TMLHE: variants seen among roughly 807,000 people sequenced by gnomAD.
TMLHE encodes the protein trimethyllysine dioxygenase, mitochondrial.
Under a neutral mutation model 25.7 loss-of-function variants are expected in TMLHE, and 18 were observed. That is an observed-to-expected ratio of 0.70 (90% CI 0.48 to 1.04). TMLHE has a LOEUF of 1.04. Ranked by LOEUF, TMLHE falls within the 50% of genes least tolerant of loss-of-function variation. The pLI is 0.00. For missense variants in TMLHE, 236 were observed against 259.0 expected (o/e 0.91, Z 0.61); for synonymous variants, 105 against 97.0 (o/e 1.08, Z -0.49).
chrX:155,591,883 A>G (rs973746996), intron 1 of TMLHE, among the ~76,000 whole-genome samples: 1 of 112,136 alleles, frequency 8.9e-6, no homozygotes, highest in Non-Finnish European at 1.9e-5. Flanking sequence ...TGTTGAAGAG[A>G]CATCTGCACC....
At chrX:155,525,418 G>C (rs1417853506) in intron 2 of TMLHE, among the ~76,000 whole-genome samples, 1 of 112,251 alleles carries the variant, frequency 8.9e-6, no homozygotes, top group Non-Finnish European at 1.9e-5. Flanking sequence ...AGAACTGTGA[G>C]TCAATTAAAC....
chrX:155,552,932 C>CA (rs1378481028), intron 1 of TMLHE, among the ~76,000 whole-genome samples: 2 of 110,413 alleles, frequency 1.8e-5, no homozygotes, highest in African/African-American at 6.6e-5. Flanking sequence ...TCAGTCAGCT[C>CA]AAAATATTTT....
chrX:155,523,196 G>T (rs976809022), intron 3 of TMLHE, among the ~76,000 whole-genome samples: 17 of 111,786 alleles, frequency 1.5e-4, no homozygotes, highest in African/African-American at 5.5e-4. Flanking sequence ...TTTTTAAATT[G>T]TATTGCTTGT....
intron 1 of TMLHE, among the ~76,000 whole-genome samples, chrX:155,560,232 G>A (rs189257977): frequency 9.0e-6 from 1 of 110,681 alleles, no homozygotes; most frequent in Non-Finnish European, 1.9e-5. Flanking sequence ...CTTCCTGCTC[G>A]TTCCTTAGGT....
chrX:155,525,229 C>T (rs2067212392), intron 2 of TMLHE, among the ~76,000 whole-genome samples: 1 of 110,995 alleles, frequency 9.0e-6, no homozygotes, highest in African/African-American at 3.3e-5. Context: ...CAAATTTCCC[C>T]CTTGCTGTTC....
intron 1 of TMLHE, among the ~76,000 whole-genome samples, chrX:155,549,374 A>C (rs1046739899): frequency 8.2e-5 from 9 of 110,001 alleles, no homozygotes; most frequent in Non-Finnish European, 1.9e-5. Flanking sequence ...TATTGTTATT[A>C]ATGGCCTTTT....
intron 2 of TMLHE, among the ~76,000 whole-genome samples, chrX:155,537,594 T>G (rs1180957388): frequency 2.7e-5 from 3 of 111,139 alleles, no homozygotes; most frequent in Non-Finnish European, 5.7e-5. Context: ...CTAAGCTCCT[T>G]TTCACTCTCT....
At chrX:155,570,680 A>T (rs374273568) in intron 1 of TMLHE, among the ~76,000 whole-genome samples, 1 of 57,147 alleles carries the variant, frequency 1.7e-5, no homozygotes, top group South Asian at 1.0e-3. Context: ...GGATTAAGAA[A>T]CTCACTCAAA....
chrX:155,558,862 A>G (rs1422759397), intron 1 of TMLHE, among the ~76,000 whole-genome samples: 1 of 111,829 alleles, frequency 8.9e-6, no homozygotes, highest in Non-Finnish European at 1.9e-5. Flanking sequence ...TTCATTTAAG[A>G]TATGTAATTA....
At chrX:155,593,810 A>G (rs1557346243) in intron 1 of TMLHE, among the ~76,000 whole-genome samples, 1 of 111,373 alleles carries the variant, frequency 9.0e-6, no homozygotes, top group East Asian at 2.8e-4. Context: ...TTTCAATAGA[A>G]TATATCAGCA....
chrX:155,610,354 A>T (rs1381443723), intron 1 of TMLHE, among the ~76,000 whole-genome samples: 1 of 112,279 alleles, frequency 8.9e-6, no homozygotes, highest in Non-Finnish European at 1.9e-5. Flanking sequence ...GACTGACTGC[A>T]GATGGGCAAG....
intron 3 of TMLHE, among the ~76,000 whole-genome samples, chrX:155,515,734 T>C (rs1467076486): frequency 2.7e-5 from 3 of 111,555 alleles, no homozygotes; most frequent in African/African-American, 9.7e-5. Context: ...AAGAATACTT[T>C]CTATATTTGT....
intron 1 of TMLHE, among the ~76,000 whole-genome samples, chrX:155,597,471 T>C (rs1557346686): frequency 9.0e-6 from 1 of 111,336 alleles, no homozygotes; most frequent in African/African-American, 3.3e-5. Context: ...AGAAATGCCA[T>C]TTGACTCAGC....
chrX:155,544,067 T>G (rs1455781413), intron 2 of TMLHE, among the ~76,000 whole-genome samples: 1 of 111,994 alleles, frequency 8.9e-6, no homozygotes, highest in Non-Finnish European at 1.9e-5. Flanking sequence ...ATTAGCTTGT[T>G]GTAGGATGTG....
intron 2 of TMLHE, among the ~76,000 whole-genome samples, chrX:155,544,358 A>C (rs782623763): frequency 9.8e-4 from 110 of 112,049 alleles, no homozygotes; most frequent in Non-Finnish European, 1.7e-3. Flanking sequence ...TTATAAAGAG[A>C]AATATTTGAA....
At chrX:155,548,959 T>G (rs1428028397) in intron 1 of TMLHE, among the ~76,000 whole-genome samples, 2 of 110,534 alleles carry the variant, frequency 1.8e-5, no homozygotes, top group Non-Finnish European at 3.8e-5. Context: ...CAATAGCAAG[T>G]ATAGAGGTCT....
chrX:155,506,313 G>C (rs2067075620), intron 6 of TMLHE, among the ~76,000 whole-genome samples: 1 of 111,187 alleles, frequency 9.0e-6, no homozygotes, highest in African/African-American at 3.3e-5. Flanking sequence ...ATAGGAGATT[G>C]AGTTGATAAG....
At chrX:155,557,248 T>G (rs2067463739) in intron 1 of TMLHE, among the ~76,000 whole-genome samples, 1 of 112,016 alleles carries the variant, frequency 8.9e-6, no homozygotes, top group African/African-American at 3.2e-5. Flanking sequence ...TCTTTACAAT[T>G]TATGTTTAGA....
intron 2 of TMLHE, among the ~76,000 whole-genome samples, chrX:155,537,961 C>A (rs2067288972): frequency 8.9e-6 from 1 of 111,908 alleles, no homozygotes; most frequent in South Asian, 3.7e-4. Context: ...GATTACTTCA[C>A]ATAGTTATTA....
Sources: allele counts gnomAD v4.1 joint callset (sites outside exome capture counted in the v4.1 genomes callset), GRCh38; gene constraint gnomAD v4.1.1; transcripts MANE v1.5; gene names NCBI Gene and HGNC (gene_info 2026-07-23, HGNC 2026-07-21).